Variants in RFWD3 observed in about 807,000 individuals in gnomAD.
RFWD3 encodes the protein E3 ubiquitin-protein ligase RFWD3.
A neutral mutation model predicts 87.7 loss-of-function variants in RFWD3; 65 were observed. That is an observed-to-expected ratio of 0.74 (90% CI 0.61 to 0.91). The LOEUF is 0.91. RFWD3 is among the 40% of genes least tolerant of loss of function. The pLI, the probability that RFWD3 is intolerant of heterozygous loss-of-function variation, is 0.00. For missense variants in RFWD3, 1,078 were observed against 938.5 expected (o/e 1.15, Z -1.94); for synonymous variants, 433 against 352.8 (o/e 1.23, Z -2.55).
intron 4 of RFWD3, among the ~76,000 whole-genome samples, chr16:74,645,121 A>C (rs1960018666): frequency 6.6e-6 from 1 of 152,246 alleles, no homozygotes; most frequent in African/African-American, 2.4e-5. Flanking sequence ...GCTTATAATT[A>C]AAGAAATGCA....
Position 74,632,542 on chromosome 16 carries a change from T to C in RFWD3, c.1558A>G (p.Asn520Asp), listed in dbSNP as rs752079432. 1.9e-6 allele frequency: 3 copies of C among 1,613,954 alleles called. No homozygotes were observed. Among genetic ancestry groups the C allele is most frequent in the East Asian group, 2.2e-5 (1 of 44,886 alleles). Residue 520 changes from asparagine (N) to aspartate (D), a missense_variant, in exon 9 of 13, where the codon AAC becomes GAC. Asn to Asp is a conservative substitution (Grantham distance 23). Coordinates refer to ENST00000361070, the MANE Select transcript of RFWD3 (RefSeq NM_018124.4). Reference sequence around the variant, plus strand: ...ACTCACCTGGTCAGTTTAATAGTGTTGTCTAGGGAAGCAGAGAGTAGCAAG... The same window carrying C: ...ACTCACCTGGTCAGTTTAATAGTGTCGTCTAGGGAAGCAGAGAGTAGCAAG... The part of the protein sequence containing the change: ...RGLLLSASLD[N>D]TIKLTSLETN...
chr16:74,645,349 C>T (rs562340625), intron 4 of RFWD3, among the ~76,000 whole-genome samples: 1 of 152,236 alleles, frequency 6.6e-6, no homozygotes, highest in South Asian at 2.1e-4. Context: ...AGAGATACCT[C>T]ATGGATATAT....
intron 7 of RFWD3, among the ~76,000 whole-genome samples, chr16:74,636,808 G>C (rs1257646296): frequency 6.6e-6 from 1 of 151,462 alleles, no homozygotes; most frequent in Admixed American, 6.6e-5. Flanking sequence ...CCATCTCCTG[G>C]GTTCAAGCAC....
intron 4 of RFWD3, among the ~76,000 whole-genome samples, chr16:74,647,667 C>A (rs534050266): frequency 1.4e-4 from 22 of 152,298 alleles, no homozygotes; most frequent in African/African-American, 5.3e-4. Flanking sequence ...TTTGGGCTCA[C>A]TGCAACTTCT....
rs910999986 is a variant in RFWD3, at chr16:74,632,433, C to G, written c.1577+90G>C. On this transcript the variant is annotated intron_variant, in intron 9 of 12. Coordinates refer to ENST00000361070, the MANE Select transcript of RFWD3 (RefSeq NM_018124.4). Reference sequence around the variant, plus strand: ...ACAAAACAACAACAACAACAAAAAACAGAGCTAAGGTCATCATAACACCGA... The same window carrying G: ...ACAAAACAACAACAACAACAAAAAAGAGAGCTAAGGTCATCATAACACCGA... 5.7e-6 allele frequency: 8 copies of G among 1,403,724 alleles called. No individual in the cohort carries two copies. The African/African-American group carries it at 1.2e-4, about 20-fold the overall frequency. The allele number at this position is 1,403,724 out of a possible 1,614,324, so 87.0% of individuals were successfully genotyped here. A position where few individuals can be genotyped will look rare whatever the true frequency, so the allele number is the denominator to read the frequency against.
chr16:74,666,822 G>C lies in RFWD3; in HGVS notation c.-39C>G, dbSNP rs1282908873. ...AGGCCGCGGCCGGGCTCGCGAGCCC[G>C]CCGAAGACTCGGTAGTTACCTCGGC... On this transcript the variant is annotated 5_prime_UTR_variant, in exon 1 of 13. Coordinates refer to ENST00000361070, the MANE Select transcript of RFWD3 (RefSeq NM_018124.4). The C allele has an allele frequency of 1.3e-5, 2 of 152,396 alleles. No individual in the cohort carries two copies. The highest frequency in any genetic ancestry group is 4.8e-5 in the African/African-American group (2 of 41,424). The allele number at this position is 152,396 out of a possible 1,614,324, so 9.4% of individuals were successfully genotyped here.
rs779390145 is a variant in RFWD3, at chr16:74,630,874, T to G, written c.1661A>C (p.Tyr554Ser). Residue 554 changes from tyrosine to serine, a missense_variant, in exon 10 of 13, where the codon TAC (tyrosine) becomes TCC (serine). Tyr to Ser is a moderately radical substitution (Grantham distance 144). Coordinates refer to ENST00000361070, the MANE Select transcript of RFWD3 (RefSeq NM_018124.4). ...ACCATTGGCCAGTCCAGCATAGATG[T>G]AGTTAGCCTCATCAAGACACCAGCA... Reference protein sequence around the residue: ...SCCWCLDEANYIYAGLANGSI... With the variant: ...SCCWCLDEANSIYAGLANGSI... The G allele has an allele frequency of 6.2e-7, 1 of 1,613,958 alleles. No homozygotes were observed. Among genetic ancestry groups the G allele is most frequent in the Non-Finnish European group, 8.5e-7 (1 of 1,179,962 alleles).
In RFWD3 at chr16:74,635,942, A is replaced by G. The variant is rs561809974; in HGVS notation, c.1426+404T>C. On this transcript the variant is annotated intron_variant, in intron 8 of 12. Transcript: ENST00000361070. The stretch of plus-strand genomic sequence containing the variant: ...ACTCCCTAAATTCTCTTATTTGGAA[A>G]TTGTTAACTTGAACACTATTGTAAG... 1.3e-3 allele frequency among the ~76,000 whole-genome samples: 202 copies of G among 152,362 alleles called. 1 individual carries two copies. The highest frequency in any genetic ancestry group is 2.6e-3 in the Non-Finnish European group (179 of 68,030).
In RFWD3 at chr16:74,626,430, T is replaced by C. The variant is rs756415611; in HGVS notation, c.2094A>G (p.Leu698=). 13 of 1,614,070 alleles carry C rather than the reference T, an allele frequency of 8.1e-6. No homozygotes were observed. The highest frequency in any genetic ancestry group is 3.3e-4 in the Middle Eastern group (2 of 6,084). ...TTTGGAAAATGGCATTTTTGGTCAA[T>C]AGTTTGCAAGTAGGTCCTCCAAAAA... ...HTFFGGPTCK[L]LTKNAIFQSP... The change falls in exon 12 of 13, where the codon CTA becomes CTG. Residue 698 remains leucine (L), a synonymous_variant. Coordinates refer to ENST00000361070, the MANE Select transcript of RFWD3 (RefSeq NM_018124.4).
chr16:74,644,121 G>T (rs1004688513), intron 6 of RFWD3: 3 of 561,798 alleles, frequency 5.3e-6, no homozygotes, highest in Non-Finnish European at 9.5e-6. Context: ...GGCAACAGAA[G>T]TAATGTGCCA....
intron 9 of RFWD3, among the ~76,000 whole-genome samples, 158 bp from the exon 10 acceptor site, chr16:74,631,115 G>A (rs1370391009): frequency 1.3e-5 from 2 of 152,130 alleles, no homozygotes; most frequent in South Asian, 2.1e-4. Flanking sequence ...ATCTGCCCAG[G>A]TAACTCCTTT....
At position 74,623,642 on chromosome 16, in the gene RFWD3, A is replaced by G. The variant is rs1958830860; in HGVS notation, c.*286T>C. On this transcript the variant is annotated 3_prime_UTR_variant, in exon 13 of 13. Coordinates refer to ENST00000361070, the MANE Select transcript of RFWD3 (RefSeq NM_018124.4). ...GTCCAGAAAGTCACACAGAAAATAAAGAAAATAAGAATTTCCAACATACAA... is the reference window on the plus strand; with the variant it reads ...GTCCAGAAAGTCACACAGAAAATAAGGAAAATAAGAATTTCCAACATACAA... The G allele has an allele frequency of 3.7e-6, 1 of 271,258 alleles. No individual in the cohort carries two copies. The highest frequency in any genetic ancestry group is 6.9e-5 in the South Asian group (1 of 14,546). 16.8% of individuals were successfully genotyped at this position (271,258 alleles called of 1,614,324 possible). A position where few individuals can be genotyped will look rare whatever the true frequency, so the allele number is the denominator to read the frequency against.
rs367756189 is a variant in RFWD3, at chr16:74,632,883, A to T, written c.1427-210T>A. 38 of 520,810 alleles carry T rather than the reference A, an allele frequency of 7.3e-5. 1 individual carries two copies. Among genetic ancestry groups the T allele is most frequent in the East Asian group, 4.9e-4 (14 of 28,628 alleles). 32.3% of individuals were successfully genotyped at this position (520,810 alleles called of 1,614,324 possible). A position where few individuals can be genotyped will look rare whatever the true frequency, so the allele number is the denominator to read the frequency against. On this transcript the variant is annotated intron_variant, in intron 8 of 12. Transcript: ENST00000361070. ...GAATGCAGTGGCGTAACCTCAGCTC[A>T]CTACAACTTCTGCCTCCCGGTGATC...
intron 4 of RFWD3, among the ~76,000 whole-genome samples, chr16:74,645,837 C>T (rs189118077): frequency 3.4e-4 from 50 of 145,022 alleles, no homozygotes; most frequent in African/African-American, 1.2e-3. Flanking sequence ...ACTGCAAGTT[C>T]CGCCTCCTGG....
At chr16:74,636,259 T>A in intron 8 of RFWD3, 87 bp downstream of exon 8, 1 of 1,224,100 alleles carries the variant, frequency 8.2e-7, no homozygotes, top group Non-Finnish European at 1.2e-6. Context: ...TTTGGTAACC[T>A]TTGAGTCTTG....
chr16:74,657,476 TTC>T (rs1491363093), intron 2 of RFWD3, among the ~76,000 whole-genome samples: 15 of 71,198 alleles, frequency 2.1e-4, no homozygotes, highest in South Asian at 5.7e-4. Flanking sequence ...GGTTTTCTTT[TTC>T]TTTTTTTTTT....
At position 74,643,669 on chromosome 16, in the gene RFWD3, G is replaced by GCTTT. The variant is rs56803461; in HGVS notation, c.1079+692_1079+693insAAAG. Among the ~76,000 whole-genome samples the GCTTT allele has an allele frequency of 3.6e-3, 383 of 105,048 alleles. 72 individuals carry two copies. Among genetic ancestry groups the GCTTT allele is most frequent in the East Asian group, 5.2e-3 (16 of 3,060 alleles). The allele number at this position is 105,048 out of a possible 152,430, so 68.9% of individuals were successfully genotyped here. On this transcript the variant is annotated intron_variant, in intron 6 of 12. Transcript: ENST00000361070. ...ATACTGAGTGGTGTTACTAGCAACT[G>GCTTT]TTTTTTTTTTTTTTTTTTTTTTTTG...
intron 6 of RFWD3, 80 bp from the exon 7 acceptor site, chr16:74,638,050 AT>A: frequency 1.2e-6 from 1 of 805,270 alleles, no homozygotes; most frequent in Non-Finnish European, 2.1e-6. Flanking sequence ...AGTTAAGTTC[AT>A]GCTATGATGC....
chr16:74,644,650 T>A lies in RFWD3; in HGVS notation c.878A>T (p.Gln293Leu). The change falls in exon 5 of 13, where the codon CAG becomes CTG. Residue 293 changes from glutamine (Q) to leucine (L), a missense_variant. Gln to Leu is a moderately radical substitution (Grantham distance 113). Coordinates refer to ENST00000361070, the MANE Select transcript of RFWD3 (RefSeq NM_018124.4). ...EGDTCTICLE[Q>L]WTNAGDHRLS... ...CCGGTGGTCCCCAGCATTGGTCCAC[T>A]GTTCCAGACATATTGTACAAGTGTC... The A allele has an allele frequency of 6.2e-7, 1 of 1,614,178 alleles. No individual in the cohort carries two copies.
Sources: allele counts gnomAD v4.1 joint callset (sites outside exome capture counted in the v4.1 genomes callset), GRCh38; gene constraint gnomAD v4.1.1; transcripts MANE v1.5; gene names NCBI Gene and HGNC (gene_info 2026-07-23, HGNC 2026-07-21).